EVI5: variants seen among roughly 807,000 people sequenced by gnomAD.
The protein encoded by EVI5 is ecotropic viral integration site 5 protein homolog.
In EVI5, 73 loss-of-function variants were observed where a neutral mutation model predicts 112.0. That is an observed-to-expected ratio of 0.65 (90% CI 0.54 to 0.79). The LOEUF (loss-of-function observed/expected upper bound fraction) is 0.79. Among genes scored for constraint, EVI5 ranks in the 30% least tolerant of loss-of-function variants. The probability of loss-of-function intolerance (pLI) is 0.00; values close to 1 mark genes in which losing one functional copy is unlikely to be tolerated. For missense variants in EVI5, 900 were observed against 968.8 expected (o/e 0.93, Z 0.94); for synonymous variants, 305 against 319.9 (o/e 0.95, Z 0.50).
chr1:92,681,218 G>A (rs143192968), intron 9 of EVI5, among the ~76,000 whole-genome samples: 278 of 152,240 alleles, frequency 1.8e-3, no homozygotes, highest in African/African-American at 6.4e-3. Context: ...TATGTTAAAG[G>A]AGAGAAAAGT....
At chr1:92,689,951 G>A (rs759489587) in intron 9 of EVI5, among the ~76,000 whole-genome samples, 2 of 152,140 alleles carry the variant, frequency 1.3e-5, no homozygotes, top group Non-Finnish European at 2.9e-5. Context: ...GTGCAGTGCT[G>A]TGATCACAGC....
At chr1:92,717,855 C>A (rs1350581311) in intron 2 of EVI5, among the ~76,000 whole-genome samples, 1 of 151,782 alleles carries the variant, frequency 6.6e-6, no homozygotes, top group Non-Finnish European at 1.5e-5. Flanking sequence ...GGAAGATCTA[C>A]CAAGCAATTG....
chr1:92,535,236 A>T (rs1454689796), intron 19 of EVI5, among the ~76,000 whole-genome samples: 2 of 152,222 alleles, frequency 1.3e-5, no homozygotes, highest in East Asian at 3.8e-4. Context: ...TAGAATGGTG[A>T]TCATTAAAAA....
At chr1:92,584,832 A>G (rs1672525677) in intron 18 of EVI5, among the ~76,000 whole-genome samples, 1 of 152,224 alleles carries the variant, frequency 6.6e-6, no homozygotes, top group African/African-American at 2.4e-5. Context: ...AAGAAATCAA[A>G]TATTTGGCTA....
chr1:92,690,307 T>C (rs1669274701), intron 9 of EVI5, among the ~76,000 whole-genome samples: 1 of 150,978 alleles, frequency 6.6e-6, no homozygotes, highest in Admixed American at 6.6e-5. Context: ...GCTTTTGTTA[T>C]CCTAAATGAA....
intron 6 of EVI5, 22 bp from the exon 7 acceptor site, chr1:92,695,475 G>A (rs201262282): frequency 9.9e-6 from 15 of 1,512,786 alleles, no homozygotes; most frequent in Middle Eastern, 1.8e-4. Context: ...AAAATAATTA[G>A]TTATAACACA....
chr1:92,638,205 C>T (rs1380494966), intron 13 of EVI5, among the ~76,000 whole-genome samples: 1 of 152,110 alleles, frequency 6.6e-6, no homozygotes, highest in East Asian at 1.9e-4. Flanking sequence ...TCTTGATTGG[C>T]ATAAACCAAC....
At chr1:92,707,433 T>C (rs1025521893) in intron 2 of EVI5, among the ~76,000 whole-genome samples, 3 of 150,680 alleles carry the variant, frequency 2.0e-5, no homozygotes, top group Non-Finnish European at 4.4e-5. Flanking sequence ...GTATACAGAA[T>C]ATATGAACCA....
chr1:92,735,391 T>C (rs544853818), intron 2 of EVI5, among the ~76,000 whole-genome samples: 5 of 152,096 alleles, frequency 3.3e-5, no homozygotes, highest in African/African-American at 9.6e-5. Context: ...AATGGAGATG[T>C]TCATTTTCTT....
At chr1:92,714,254 A>G (rs1040719633) in intron 2 of EVI5, 5 of 404,544 alleles carry the variant, frequency 1.2e-5, no homozygotes, top group African/African-American at 2.2e-5. Context: ...ATAGAATTTG[A>G]TATTTTCATG....
intron 14 of EVI5, among the ~76,000 whole-genome samples, chr1:92,635,902 G>C (rs1369174843): frequency 6.6e-6 from 1 of 152,096 alleles, no homozygotes; most frequent in East Asian, 1.9e-4. Flanking sequence ...TCTGTCACCT[G>C]AGTTTCTCTC....
intron 9 of EVI5, among the ~76,000 whole-genome samples, chr1:92,682,299 A>G (rs1352342135): frequency 2.0e-5 from 3 of 152,104 alleles, no homozygotes; most frequent in Non-Finnish European, 4.4e-5. Flanking sequence ...TGCCCTGTCT[A>G]AAAGAGTGCT....
At chr1:92,641,809 C>T (rs569542830) in intron 13 of EVI5, among the ~76,000 whole-genome samples, 39 of 152,250 alleles carry the variant, frequency 2.6e-4, no homozygotes, top group African/African-American at 8.4e-4. Flanking sequence ...TACTGTTGTA[C>T]TATTTAAGTA....
chr1:92,626,866 C>T (rs1655781549), intron 14 of EVI5, among the ~76,000 whole-genome samples: 1 of 152,076 alleles, frequency 6.6e-6, no homozygotes, highest in African/African-American at 2.4e-5. Context: ...TGTTGTATTT[C>T]CTCAGCATGT....
intron 19 of EVI5, among the ~76,000 whole-genome samples, chr1:92,550,115 A>G (rs1666537700): frequency 6.6e-6 from 1 of 152,184 alleles, no homozygotes; most frequent in South Asian, 2.1e-4. Context: ...CATCAATGAT[A>G]GACTGGATTA....
In EVI5 at chr1:92,785,087, C is replaced by T. The variant is rs1685460248; in HGVS notation, c.-333G>A. The T allele has an allele frequency of 1.0e-6, 1 of 985,446 alleles. No individual in the cohort carries two copies. Among genetic ancestry groups the T allele is most frequent in the African/African-American group, 1.7e-5 (1 of 57,248 alleles). The allele number at this position is 985,446 out of a possible 1,614,324, so 61.0% of individuals were successfully genotyped here. On this transcript the variant is annotated 5_prime_UTR_variant, in exon 1 of 20. Transcript: ENST00000684568. Reference sequence around the variant, plus strand: ...GCCAGCTGGTTCCTCCGGGGTCCGGCCCGGCCGCGTCAGGAGAGCCCAAGG... The same window carrying T: ...GCCAGCTGGTTCCTCCGGGGTCCGGTCCGGCCGCGTCAGGAGAGCCCAAGG...
Position 92,635,860 on chromosome 1 carries a change from A to T in EVI5, c.1527+342T>A, listed in dbSNP as rs377511456. On this transcript the variant is annotated intron_variant, in intron 14 of 19. Transcript: ENST00000684568. ...TCCTATTCTATCTCTTCCACATGAA[A>T]ATATTGCAATATTTGATGATAACAG... Among the ~76,000 whole-genome samples the T allele has an allele frequency of 7.8e-4, 119 of 152,246 alleles. 1 individual carries two copies. Among genetic ancestry groups the T allele is most frequent in the African/African-American group, 2.7e-3 (114 of 41,560 alleles).
chr1:92,768,434 C>G (rs1682956765), intron 1 of EVI5, among the ~76,000 whole-genome samples: 1 of 152,178 alleles, frequency 6.6e-6, no homozygotes, highest in Non-Finnish European at 1.5e-5. Context: ...TAGTTCTCAC[C>G]TGCCATAGGC....
chr1:92,550,781 A>AAAAAAT (rs1557766166), intron 19 of EVI5, among the ~76,000 whole-genome samples: 4 of 20,316 alleles, frequency 2.0e-4, no homozygotes, highest in Non-Finnish European at 3.1e-4. Context: ...AAAAAAAAAA[A>AAAAAAT]ATATATATAT....
Sources: allele counts gnomAD v4.1 joint callset (sites outside exome capture counted in the v4.1 genomes callset), GRCh38; gene constraint gnomAD v4.1.1; transcripts MANE v1.5; gene names NCBI Gene and HGNC (gene_info 2026-07-23, HGNC 2026-07-21).